LONP1: variants seen among roughly 807,000 people sequenced by gnomAD.
LONP1 encodes the protein lon protease homolog, mitochondrial.
A neutral mutation model predicts 98.5 loss-of-function variants in LONP1; 31 were observed. That is an observed-to-expected ratio of 0.31 (90% confidence interval 0.24 to 0.42). LONP1 has a LOEUF of 0.42. Ranked by LOEUF, LONP1 falls within the 20% of genes least tolerant of loss-of-function variation. The pLI is 1.00. For missense variants in LONP1, 1,336 were observed against 1,350.6 expected (o/e 0.99, Z 0.17); for synonymous variants, 781 against 594.7 (o/e 1.31, Z -4.56).
In LONP1 at chr19:5,711,831, C is replaced by A; in HGVS notation, c.810G>T (p.Val270=). The A allele has an allele frequency of 1.2e-6, 2 of 1,612,792 alleles. No homozygotes were observed. Among genetic ancestry groups the A allele is most frequent in the South Asian group, 2.2e-5 (2 of 91,078 alleles). Residue 270 remains valine (V), a synonymous_variant, in exon 4 of 18, where the codon GTG becomes GTT. Coordinates refer to ENST00000360614, the MANE Select transcript of LONP1 (RefSeq NM_004793.4). ...MEPTPELPAE[V]LMVEVENVVH... Reference sequence around the variant, plus strand: ...CAACGTTCTCTACCTCCACCATGAGCACCTCAGCCGGGAGCTCAGGGGTGG... The same window carrying A: ...CAACGTTCTCTACCTCCACCATGAGAACCTCAGCCGGGAGCTCAGGGGTGG...
intron 1 of LONP1, among the ~76,000 whole-genome samples, 155 bp downstream of exon 1, chr19:5,719,549 G>A (rs2055390976): frequency 6.6e-6 from 1 of 152,356 alleles, no homozygotes; most frequent in Admixed American, 6.5e-5. Context: ...AGGTTCCCAA[G>A]CTAGTGGTGA....
chr19:5,710,881 C>T (rs1411463653), intron 4 of LONP1, among the ~76,000 whole-genome samples: 1 of 152,036 alleles, frequency 6.6e-6, no homozygotes, highest in African/African-American at 2.4e-5. Flanking sequence ...CAAAAATTAG[C>T]CGTGTGTGGT....
intron 1 of LONP1, among the ~76,000 whole-genome samples, chr19:5,717,011 G>A (rs1367729258): frequency 2.0e-5 from 3 of 152,088 alleles, no homozygotes; most frequent in African/African-American, 7.2e-5. Flanking sequence ...AGCCAGTATG[G>A]TCTCGATCTC....
At chr19:5,708,542 C>T (rs960389049) in intron 4 of LONP1, 139 bp from the exon 5 acceptor site, 15 of 670,810 alleles carry the variant, frequency 2.2e-5, no homozygotes, top group Middle Eastern at 4.0e-4. Context: ...TGGCCACGGA[C>T]GGCCTGGGAG....
At position 5,708,398 on chromosome 19, in the gene LONP1, C is replaced by A. The variant is rs775140752; in HGVS notation, c.876G>T (p.Leu292=). Residue 292 remains leucine (L), a synonymous_variant, in exon 5 of 18, where the codon CTG becomes CTT. Transcript: ENST00000360614. ...DFQVTEEVKA[L]TAEIVKTIRD... ...GGATGGTCTTCACGATCTCTGCAGTCAGGGCCTGCCAAGTATGGGGCAGGG... is the reference window on the plus strand; with the variant it reads ...GGATGGTCTTCACGATCTCTGCAGTAAGGGCCTGCCAAGTATGGGGCAGGG... 1.3e-6 allele frequency: 2 copies of A among 1,587,356 alleles called. No homozygotes were observed. Among genetic ancestry groups the A allele is most frequent in the Non-Finnish European group, 1.7e-6 (2 of 1,166,290 alleles).
intron 1 of LONP1, among the ~76,000 whole-genome samples, chr19:5,718,413 G>A (rs1303641898): frequency 2.0e-5 from 3 of 151,778 alleles, no homozygotes; most frequent in African/African-American, 7.3e-5. Context: ...GGGAGGCAGA[G>A]GTTGCAGTGA....
intron 8 of LONP1, among the ~76,000 whole-genome samples, chr19:5,705,325 G>A (rs1407706670): frequency 3.3e-5 from 5 of 152,186 alleles, no homozygotes; most frequent in Non-Finnish European, 5.9e-5. Context: ...AGGCGTGGTG[G>A]TGCATGCCTA....
At chr19:5,712,267 G>A (rs1319144389) in intron 3 of LONP1, among the ~76,000 whole-genome samples, 1 of 152,200 alleles carries the variant, frequency 6.6e-6, no homozygotes, top group Non-Finnish European at 1.5e-5. Context: ...CCCATCCTAA[G>A]TATCGTGGAT....
chr19:5,702,914 A>G (rs1207536545), intron 8 of LONP1, among the ~76,000 whole-genome samples: 2 of 151,022 alleles, frequency 1.3e-5, no homozygotes, highest in Non-Finnish European at 3.0e-5. Flanking sequence ...TAGGAAAACC[A>G]GAGACCCTTG....
At chr19:5,714,101 G>T in intron 2 of LONP1, 82 bp downstream of exon 2, 1 of 1,094,986 alleles carries the variant, frequency 9.1e-7, no homozygotes, top group South Asian at 1.4e-5. Flanking sequence ...GGGGTCAAAG[G>T]TGCAAAGTAC....
intron 1 of LONP1, among the ~76,000 whole-genome samples, chr19:5,716,854 A>C (rs1320119438): frequency 6.6e-6 from 1 of 152,090 alleles, no homozygotes; most frequent in East Asian, 1.9e-4. Context: ...AGCGCAGTGG[A>C]GCGATCTCAG....
chr19:5,702,439 G>A (rs1329599578), intron 8 of LONP1, among the ~76,000 whole-genome samples: 2 of 150,892 alleles, frequency 1.3e-5, no homozygotes, highest in Non-Finnish European at 1.5e-5. Flanking sequence ...GGGAAGTGAG[G>A]AGCCCCTCTG....
In LONP1 at chr19:5,692,188, C is replaced by T. The variant is rs780725290; in HGVS notation, c.2724G>A (p.Thr908=). Residue 908 remains threonine (T), a synonymous_variant, in exon 18 of 18, where the codon ACG becomes ACA. Transcript: ENST00000360614. The part of the protein sequence containing the change: ...KTIAAKRAGV[T]CIVLPAENKK... ...TGTTCTCGGCTGGCAGGACGATGCA[C>T]GTCACCCCTGCGCGCTTGGCCTGGG... 1.6e-5 allele frequency: 26 copies of T among 1,613,496 alleles called. No homozygotes were observed. Among genetic ancestry groups the T allele is most frequent in the South Asian group, 2.2e-5 (2 of 91,024 alleles).
chr19:5,697,506 A>G (rs1267593528), intron 10 of LONP1, among the ~76,000 whole-genome samples: 1 of 126,106 alleles, frequency 7.9e-6, no homozygotes, highest in Non-Finnish European at 1.7e-5. Flanking sequence ...CAGAGGGAGG[A>G]GGGGGGGAGA....
intron 15 of LONP1, among the ~76,000 whole-genome samples, chr19:5,694,009 C>T (rs2054879449): frequency 6.6e-6 from 1 of 152,194 alleles, no homozygotes; most frequent in Non-Finnish European, 1.5e-5. Flanking sequence ...AGGACACGCC[C>T]AGGGCTACAA....
Position 5,693,582 on chromosome 19 carries a change from C to A in LONP1, c.2508G>T (p.Val836=). The stretch of plus-strand genomic sequence containing the variant: ...GCACATGCAGGTGGATGTGTGAGGT[C>A]ACCAGGTAGTCATTGGCGGGGGCGT... ...MQHAPANDYL[V]TSHIHLHVPE... The change falls in exon 16 of 18, where the codon GTG becomes GTT. Residue 836 remains valine, a synonymous_variant. Coordinates refer to ENST00000360614, the MANE Select transcript of LONP1 (RefSeq NM_004793.4). The A allele has an allele frequency of 6.2e-7, 1 of 1,614,092 alleles. No individual in the cohort carries two copies. The highest frequency in any genetic ancestry group is 8.5e-7 in the Non-Finnish European group (1 of 1,179,998).
intron 8 of LONP1, among the ~76,000 whole-genome samples, chr19:5,701,178 G>C (rs1253520555): frequency 6.6e-6 from 1 of 152,230 alleles, no homozygotes; most frequent in Non-Finnish European, 1.5e-5. Flanking sequence ...AGGCACAGTG[G>C]CTCACGCCTG....
Position 5,707,709 on chromosome 19 carries a change from C to T in LONP1, c.1050G>A (p.Leu350=), listed in dbSNP as rs1347100372. The T allele has an allele frequency of 2.5e-6, 4 of 1,612,426 alleles. No homozygotes were observed. Among genetic ancestry groups the T allele is most frequent in the Non-Finnish European group, 3.4e-6 (4 of 1,179,268 alleles). The change falls in exon 6 of 18, where the codon CTG becomes CTA. Residue 350 remains leucine, a synonymous_variant. Transcript: ENST00000360614. ...GACGAGCACTCACATTGGTCTCTTCCAGGACGTCCTGCAGCTCATGGGACT... is the reference window on the plus strand; with the variant it reads ...GACGAGCACTCACATTGGTCTCTTCTAGGACGTCCTGCAGCTCATGGGACT... The part of the protein sequence containing the change: ...GAESHELQDV[L]EETNIPKRLY...
In LONP1 at chr19:5,692,133, T is replaced by C. The variant is rs61159814; in HGVS notation, c.2779A>G (p.Ile927Val). The change falls in exon 18 of 18, where the codon ATC becomes GTC. Residue 927 changes from isoleucine (I) to valine (V), a missense_variant. Coordinates refer to ENST00000360614, the MANE Select transcript of LONP1 (RefSeq NM_004793.4). ...AAGTGCACCTCCAGGCCCTCGGTGA[T>C]GAAGGCTGCCAGGTCGTAGAAGTCC... ...KKDFYDLAAF[I>V]TEGLEVHFVE... The C allele has an allele frequency of 7.4e-6, 12 of 1,613,964 alleles. No homozygotes were observed. In the Admixed American group the frequency reaches 1.7e-4, roughly 22 times the overall value.
Sources: gnomAD v4.1 joint callset for allele counts (sites outside exome capture counted in the v4.1 genomes callset) on GRCh38, gnomAD v4.1.1 for gene constraint, MANE v1.5 for transcripts, NCBI Gene and HGNC (gene_info 2026-07-23, HGNC 2026-07-21) for gene names.